ADGRL2: variants seen among roughly 807,000 people sequenced by gnomAD.
ADGRL2 encodes adhesion G protein-coupled receptor L2.
A neutral mutation model predicts 157.4 loss-of-function variants in ADGRL2; 44 were observed. That is an observed-to-expected ratio of 0.28 (90% CI 0.22 to 0.36). The LOEUF is 0.36. Ranked by LOEUF, ADGRL2 falls within the 10% of genes least tolerant of loss-of-function variation. The pLI, the probability that ADGRL2 is intolerant of heterozygous loss-of-function variation, is 1.00. For synonymous variants in ADGRL2, 585 were observed against 624.7 expected (o/e 0.94, Z 0.95); for missense variants, 1,510 against 1,768.9 (o/e 0.85, Z 2.63).
chr1:81,984,308 C>T (rs1662510136), intron 19 of ADGRL2: 1 of 224,826 alleles, frequency 4.4e-6, no homozygotes. Flanking sequence ...TATTTAATAA[C>T]TAACATTTAT....
chr1:81,417,003 C>G (rs189937280), intron 1 of ADGRL2, among the ~76,000 whole-genome samples: 2 of 152,098 alleles, frequency 1.3e-5, no homozygotes, highest in Non-Finnish European at 2.9e-5. Flanking sequence ...GTTCTCAGAA[C>G]GTGCTTAAGA....
intron 1 of ADGRL2, among the ~76,000 whole-genome samples, chr1:81,369,778 T>A (rs2076130676): frequency 6.6e-6 from 1 of 152,214 alleles, no homozygotes; most frequent in Non-Finnish European, 1.5e-5. Flanking sequence ...ATCATTGAAT[T>A]TGAGCATTAA....
intron 1 of ADGRL2, among the ~76,000 whole-genome samples, chr1:81,362,567 A>C (rs2075997335): frequency 6.6e-6 from 1 of 152,000 alleles, no homozygotes; most frequent in Admixed American, 6.6e-5. Flanking sequence ...AGTTAATTTC[A>C]AAAATATAAG....
chr1:81,606,997 T>C lies in ADGRL2; in HGVS notation c.-143+26017T>C, dbSNP rs566454293. ...GCAACACTTTCATGAAGTGAATCAT[T>C]TCTATGAACTTTCAGAACTCAAGAT... On this transcript the variant is annotated intron_variant, in intron 3 of 24. Coordinates refer to the ADGRL2 transcript ENST00000370721. Among the ~76,000 whole-genome samples the C allele has an allele frequency of 3.3e-5, 5 of 152,320 alleles. No homozygotes were observed. In the South Asian group the frequency reaches 8.3e-4, roughly 25 times the overall value.
At chr1:81,518,378 C>T (rs1215422884) in intron 2 of ADGRL2, among the ~76,000 whole-genome samples, 1 of 152,104 alleles carries the variant, frequency 6.6e-6, no homozygotes. Flanking sequence ...GATAACTAGC[C>T]CAACCTGTGC....
chr1:81,471,282 A>G (rs2078166733), intron 2 of ADGRL2, among the ~76,000 whole-genome samples: 1 of 152,218 alleles, frequency 6.6e-6, no homozygotes, highest in African/African-American at 2.4e-5. Context: ...TAACATATCA[A>G]TACAAAGATA....
intron 2 of ADGRL2, among the ~76,000 whole-genome samples, chr1:81,559,373 A>G (rs1052141636): frequency 6.6e-6 from 1 of 152,006 alleles, no homozygotes; most frequent in Non-Finnish European, 1.5e-5. Context: ...ACGATGAAGA[A>G]TTGGTATCAT....
intron 2 of ADGRL2, among the ~76,000 whole-genome samples, chr1:81,893,678 C>G (rs1381548153): frequency 6.6e-6 from 1 of 152,108 alleles, no homozygotes; most frequent in Non-Finnish European, 1.5e-5. Context: ...CCGTGCTGTT[C>G]CTTAGTTCCC....
Position 81,424,520 on chromosome 1 carries a change from G to T in ADGRL2, c.-301-20516G>T, listed in dbSNP as rs566749854. Among the ~76,000 whole-genome samples the T allele has an allele frequency of 2.0e-5, 3 of 152,290 alleles. No individual in the cohort carries two copies. In the East Asian group the frequency reaches 5.8e-4, roughly 29 times the overall value. On this transcript the variant is annotated intron_variant, in intron 1 of 24. Coordinates refer to the ADGRL2 transcript ENST00000370721. ...TTGCGTGAATACTTAAGAGCATTTT[G>T]CCAGCTACTCTGTCCACAATCCACT...
intron 11 of ADGRL2, among the ~76,000 whole-genome samples, chr1:81,958,623 C>T (rs1654359814): frequency 6.6e-6 from 1 of 152,114 alleles, no homozygotes; most frequent in South Asian, 2.1e-4. Flanking sequence ...CTAATTGTGA[C>T]ATTTAAAAAC....
intron 2 of ADGRL2, among the ~76,000 whole-genome samples, chr1:81,465,692 A>G (rs562687691): frequency 4.6e-5 from 7 of 152,316 alleles, no homozygotes; most frequent in African/African-American, 1.4e-4. Context: ...CACTGAACTT[A>G]GAGAAATGTT....
rs72716658 is a variant in ADGRL2, at chr1:81,632,322, G to A, written c.-143+51342G>A. ...CATTTCACATGGGATGGCCTTAGTA[G>A]GACCTCCTGTGCAGGAACTATTGGA... On this transcript the variant is annotated intron_variant, in intron 3 of 24. Coordinates refer to the ADGRL2 transcript ENST00000370721. 6.0e-3 allele frequency among the ~76,000 whole-genome samples: 917 copies of A among 152,294 alleles called. 4 individuals are homozygous for A. Among genetic ancestry groups the A allele is most frequent in the Non-Finnish European group, 6.8e-3 (465 of 68,026 alleles).
chr1:81,615,842 G>A (rs1482353661), intron 3 of ADGRL2, among the ~76,000 whole-genome samples: 1 of 152,212 alleles, frequency 6.6e-6, no homozygotes, highest in Non-Finnish European at 1.5e-5. Flanking sequence ...TTAGGAAGAA[G>A]CGATCCAGTG....
intron 2 of ADGRL2, among the ~76,000 whole-genome samples, chr1:81,569,646 T>G (rs2080640627): frequency 6.6e-6 from 1 of 151,916 alleles, no homozygotes; most frequent in South Asian, 2.1e-4. Flanking sequence ...AGTCTCTACA[T>G]AAAAGAAGAA....
intron 1 of ADGRL2, among the ~76,000 whole-genome samples, chr1:81,743,475 G>A (rs1390902223): frequency 1.4e-5 from 2 of 147,492 alleles, no homozygotes; most frequent in Non-Finnish European, 3.0e-5. Context: ...CCATTTCTCA[G>A]AATTGTTTAA....
intron 3 of ADGRL2, among the ~76,000 whole-genome samples, chr1:81,668,999 T>G (rs925040505): frequency 6.6e-6 from 1 of 152,168 alleles, no homozygotes; most frequent in Non-Finnish European, 1.5e-5. Flanking sequence ...TCTTTTAGTT[T>G]TTATCTGTGG....
intron 2 of ADGRL2, among the ~76,000 whole-genome samples, chr1:81,888,599 C>T (rs577005768): frequency 7.2e-5 from 11 of 152,160 alleles, no homozygotes; most frequent in East Asian, 3.9e-4. Context: ...CCACCGCGCC[C>T]GGCTAATTTT....
intron 1 of ADGRL2, among the ~76,000 whole-genome samples, chr1:81,430,332 C>T (rs1391513029): frequency 2.0e-5 from 3 of 152,104 alleles, no homozygotes; most frequent in Non-Finnish European, 2.9e-5. Flanking sequence ...AAGGTTTGTC[C>T]ACATGGGGTC....
intron 2 of ADGRL2, among the ~76,000 whole-genome samples, chr1:81,889,851 T>C (rs1316569786): frequency 2.0e-5 from 3 of 152,164 alleles, no homozygotes; most frequent in Non-Finnish European, 4.4e-5. Flanking sequence ...CAAAAATCCT[T>C]GGGCCATTAG....
Sources: allele counts gnomAD v4.1 joint callset (sites outside exome capture counted in the v4.1 genomes callset), GRCh38; gene constraint gnomAD v4.1.1; transcripts MANE v1.5; gene names NCBI Gene and HGNC (gene_info 2026-07-23, HGNC 2026-07-21).